UBE2O: variants seen among roughly 807,000 people sequenced by gnomAD.
The protein encoded by UBE2O is ubiquitin conjugating enzyme E2 O.
Under a neutral mutation model 125.8 loss-of-function variants are expected in UBE2O, and 15 were observed. That is an observed-to-expected ratio of 0.12 (90% CI 0.08 to 0.18). The LOEUF (loss-of-function observed/expected upper bound fraction) is 0.18, where lower values mean the gene tolerates loss of function less well. Ranked by LOEUF, UBE2O falls within the 10% of genes least tolerant of loss-of-function variation. UBE2O has a pLI of 1.00. For missense variants in UBE2O, 1,280 were observed against 1,723.6 expected (o/e 0.74, Z 4.56); for synonymous variants, 708 against 703.2 (o/e 1.01, Z -0.11).
intron 1 of UBE2O, among the ~76,000 whole-genome samples, chr17:76,442,068 T>G (rs1260662491): frequency 6.7e-6 from 1 of 148,332 alleles, no homozygotes; most frequent in Non-Finnish European, 1.5e-5. Context: ...ATCTGCCATT[T>G]GTCAAGTGCT....
chr17:76,407,490 A>G (rs1045809704), intron 1 of UBE2O, among the ~76,000 whole-genome samples: 2 of 152,246 alleles, frequency 1.3e-5, no homozygotes, highest in African/African-American at 4.8e-5. Context: ...GCGGCAGGAC[A>G]GGAGAATCCA....
At chr17:76,449,545 A>C (rs2073201806) in intron 1 of UBE2O, among the ~76,000 whole-genome samples, 1 of 152,248 alleles carries the variant, frequency 6.6e-6, no homozygotes, top group Admixed American at 6.5e-5. Flanking sequence ...ACTGCACTCC[A>C]GCCTGGGTGA....
Position 76,389,794 on chromosome 17 carries a change from GC to G in UBE2O, c.*1148del, listed in dbSNP as rs1362499506. On this transcript the variant is annotated 3_prime_UTR_variant, in exon 18 of 18. Coordinates refer to ENST00000319380, the MANE Select transcript of UBE2O (RefSeq NM_022066.4). ...GGCTGACAAGACGCATCATGCTTTG[GC>G]TTTTTTTTTGTCTTTTTTTCTAATA... The G allele has an allele frequency of 6.6e-6, 1 of 152,142 alleles. No homozygotes were observed. The highest frequency in any genetic ancestry group is 1.9e-4 in the East Asian group (1 of 5,198). The allele number at this position is 152,142 out of a possible 1,614,324, so 9.4% of individuals were successfully genotyped here. A position where few individuals can be genotyped will look rare whatever the true frequency, so the allele number is the denominator to read the frequency against.
chr17:76,452,414 G>A lies in UBE2O; in HGVS notation c.417+311C>T, dbSNP rs761431551. 1.3e-5 allele frequency among the ~76,000 whole-genome samples: 2 copies of A among 152,096 alleles called. No homozygotes were observed. The highest frequency in any genetic ancestry group is 1.3e-4 in the Admixed American group (2 of 15,272). On this transcript the variant is annotated intron_variant, in intron 1 of 17. Transcript: ENST00000319380. This position sits in a 1 kb window ranked among gnomAD's most constrained non-coding sequence, Gnocchi z 4.4. ...ACGCCGAACGCGCCCCAGAACCTGA[G>A]TCCCCACGGGAGTCGGTCCACGTCT...
chr17:76,429,636 G>T (rs193108843), intron 1 of UBE2O, among the ~76,000 whole-genome samples: 5 of 152,046 alleles, frequency 3.3e-5, no homozygotes, highest in South Asian at 4.2e-4. Flanking sequence ...GACAGGTGAG[G>T]ACCACATTAG....
At chr17:76,430,456 C>T (rs947076309) in intron 1 of UBE2O, 3 of 246,648 alleles carry the variant, frequency 1.2e-5, no homozygotes, top group Non-Finnish European at 2.4e-5. Context: ...TCTGGCCCTC[C>T]CTGTTGGCAG....
At position 76,399,318 on chromosome 17, in the gene UBE2O, G is replaced by T; in HGVS notation, c.1628+131C>A. 3 of 928,090 alleles carry T rather than the reference G, an allele frequency of 3.2e-6. No individual in the cohort carries two copies. The highest frequency in any genetic ancestry group is 3.2e-6 in the Non-Finnish European group (2 of 624,672). 57.5% of individuals were successfully genotyped at this position (928,090 alleles called of 1,614,324 possible). A position where few individuals can be genotyped will look rare whatever the true frequency, so the allele number is the denominator to read the frequency against. On this transcript the variant is annotated intron_variant, in intron 9 of 17. Transcript: ENST00000319380. The surrounding 1 kb of genome is among the most constrained non-coding windows in gnomAD (Gnocchi z 6.9). ...ACCCCAGGCACCTACGTTGTCTCGG[G>T]TGGGAGCCCCGGAGCCACTACAAGG...
At chr17:76,437,086 T>G (rs959863816) in intron 1 of UBE2O, among the ~76,000 whole-genome samples, 3 of 149,652 alleles carry the variant, frequency 2.0e-5, no homozygotes, top group Non-Finnish European at 4.4e-5. Context: ...GAGGTAGAGG[T>G]TGCAGTGAGC....
At chr17:76,397,938 C>T in intron 12 of UBE2O, 50 bp from the exon 13 acceptor site, 8 of 1,588,540 alleles carry the variant, frequency 5.0e-6, no homozygotes, top group South Asian at 1.1e-5. Flanking sequence ...AGCTCCAGCT[C>T]CCCAGCCCCT....
chr17:76,418,562 G>A lies in UBE2O; in HGVS notation c.418-12990C>T, dbSNP rs183195594. Among the ~76,000 whole-genome samples, 354 of 151,876 alleles carry A rather than the reference G, an allele frequency of 2.3e-3. 6 individuals carry two copies. Among genetic ancestry groups the A allele is most frequent in the African/African-American group, 7.7e-3 (318 of 41,356 alleles). ...AGCCTCCACAGGTCCCTTGGAAGGA[G>A]GAACAGGTTTTTTTTTTTTTTTTTT... On this transcript the variant is annotated intron_variant, in intron 1 of 17. Transcript: ENST00000319380.
Position 76,397,828 on chromosome 17 carries a change from C to T in UBE2O, c.2086G>A (p.Asp696Asn), listed in dbSNP as rs1228875088. 1 of 1,614,206 alleles carries T rather than the reference C, an allele frequency of 6.2e-7. No individual in the cohort carries two copies. Among genetic ancestry groups the T allele is most frequent in the South Asian group, 1.1e-5 (1 of 91,090 alleles). The change falls in exon 13 of 18, where the codon GAC (aspartate) becomes AAC (asparagine). Residue 696 changes from aspartate to asparagine, a missense_variant. Physicochemically the swap from Asp to Asn is conservative, Grantham distance 23. This residue lies in a region of UBE2O where 210 missense variants were observed against 268.9 expected (regional missense o/e 0.78). Coordinates refer to ENST00000319380, the MANE Select transcript of UBE2O (RefSeq NM_022066.4). ...GGCAGGATGATGGTCTTTGAGTTGT[C>T]AGCCCACACCACCTCCACCTTGCTG... ...VSSKVEVVWADNSKTIILPQH... is the reference protein window; with the variant it reads ...VSSKVEVVWANNSKTIILPQH...
At position 76,404,086 on chromosome 17, in the gene UBE2O, G is replaced by A. The variant is rs942796962; in HGVS notation, c.588+1120C>T. On this transcript the variant is annotated intron_variant, in intron 3 of 17. Transcript: ENST00000319380. This position sits in a 1 kb window ranked among gnomAD's most constrained non-coding sequence, Gnocchi z 4.3. ...AGCTAAAAGAAATGAGGGGAACAAG[G>A]GAGTCATAGAACCACCATTTAGCAA... Among the ~76,000 whole-genome samples the A allele has an allele frequency of 1.3e-5, 2 of 152,152 alleles. No individual in the cohort carries two copies. The highest frequency in any genetic ancestry group is 4.8e-5 in the African/African-American group (2 of 41,430).
chr17:76,391,865 G>A lies in UBE2O; in HGVS notation c.3150+45C>T, dbSNP rs1181443914. 2 of 1,613,916 alleles carry A rather than the reference G, an allele frequency of 1.2e-6. No individual in the cohort carries two copies. Among genetic ancestry groups the A allele is most frequent in the African/African-American group, 2.7e-5 (2 of 75,026 alleles). On this transcript the variant is annotated intron_variant, in intron 16 of 17. Transcript: ENST00000319380. The surrounding 1 kb of genome is among the most constrained non-coding windows in gnomAD (Gnocchi z 8.4). ...CTGTTCCCCAGGCCCCTATCCACCAGTGGCTCTTCCTCCTTCTTGGCTGGG... is the reference window on the plus strand; with the variant it reads ...CTGTTCCCCAGGCCCCTATCCACCAATGGCTCTTCCTCCTTCTTGGCTGGG...
intron 1 of UBE2O, among the ~76,000 whole-genome samples, chr17:76,412,804 T>C (rs891567344): frequency 2.6e-5 from 4 of 152,188 alleles, no homozygotes; most frequent in Non-Finnish European, 4.4e-5. Context: ...GGTCAGGAGT[T>C]CGAGACCAGC....
At chr17:76,433,552 G>A (rs1020326477) in intron 1 of UBE2O, among the ~76,000 whole-genome samples, 9 of 151,316 alleles carry the variant, frequency 5.9e-5, no homozygotes, top group African/African-American at 2.2e-4. Context: ...AAAACCACTT[G>A]AACTGCACAC....
At chr17:76,423,898 T>TC (rs1258012975) in intron 1 of UBE2O, among the ~76,000 whole-genome samples, 1 of 82,910 alleles carries the variant, frequency 1.2e-5, no homozygotes, top group Middle Eastern at 6.7e-3. Flanking sequence ...GTTGGGTTCT[T>TC]TTTTTTTTTT....
intron 1 of UBE2O, among the ~76,000 whole-genome samples, chr17:76,408,610 C>G (rs2072463471): frequency 6.6e-6 from 1 of 152,208 alleles, no homozygotes; most frequent in Admixed American, 6.5e-5. Flanking sequence ...GAAAAACTCT[C>G]TTCATTTCTG....
In UBE2O at chr17:76,389,578, G is replaced by T. The variant is rs980099106; in HGVS notation, c.*1365C>A. 20 of 150,210 alleles carry T rather than the reference G, an allele frequency of 1.3e-4. No homozygotes were observed. The highest frequency in any genetic ancestry group is 3.9e-4 in the African/African-American group (16 of 40,750). 9.3% of individuals were successfully genotyped at this position (150,210 alleles called of 1,614,324 possible). On this transcript the variant is annotated 3_prime_UTR_variant, in exon 18 of 18. Coordinates refer to ENST00000319380, the MANE Select transcript of UBE2O (RefSeq NM_022066.4). The stretch of plus-strand genomic sequence containing the variant: ...TCACACAGCACTTTATACAGATATC[G>T]TAAGCAGTAGGCATTCACATCTCCA...
chr17:76,413,606 G>A (rs1054009425), intron 1 of UBE2O, among the ~76,000 whole-genome samples: 4 of 152,080 alleles, frequency 2.6e-5, no homozygotes, highest in Admixed American at 2.0e-4. Context: ...GTATTTTACC[G>A]TGAGTGACTG....
Sources: allele counts gnomAD v4.1 joint callset (sites outside exome capture counted in the v4.1 genomes callset), GRCh38; gene constraint gnomAD v4.1.1; regional missense constraint gnomAD v4.1.1; non-coding constraint Gnocchi (gnomAD v3.1); transcripts MANE v1.5; gene names NCBI Gene and HGNC (gene_info 2026-07-23, HGNC 2026-07-21).